AGBL4: variants seen among roughly 807,000 people sequenced by gnomAD.
AGBL4 encodes the protein AGBL carboxypeptidase 4, also known as cytosolic carboxypeptidase 6.
In AGBL4, 58 loss-of-function variants were observed where a neutral mutation model predicts 66.4. The ratio of observed to expected loss-of-function variants is 0.87; its 90% confidence interval spans 0.71 to 1.09. The LOEUF (loss-of-function observed/expected upper bound fraction) is 1.09, where lower values mean the gene tolerates loss of function less well. AGBL4 is among the 50% of genes least tolerant of loss of function. The pLI, the probability that AGBL4 is intolerant of heterozygous loss-of-function variation, is 0.00. For synonymous variants in AGBL4, 234 were observed against 222.9 expected (o/e 1.05, Z -0.44); for missense variants, 579 against 631.0 (o/e 0.92, Z 0.88).
intron 3 of AGBL4, among the ~76,000 whole-genome samples, chr1:49,273,606 A>G (rs1205944021): frequency 6.6e-6 from 1 of 151,268 alleles, no homozygotes; most frequent in Non-Finnish European, 1.5e-5. Context: ...ATATGAAGGA[A>G]AAATCTAATT....
intron 3 of AGBL4, among the ~76,000 whole-genome samples, chr1:49,680,006 A>G (rs1489727127): frequency 2.7e-5 from 4 of 149,884 alleles, no homozygotes; most frequent in Non-Finnish European, 5.9e-5. Flanking sequence ...TTTTTTTTAA[A>G]TTCATTCATG....
chr1:49,836,487 C>T (rs1645852650), intron 2 of AGBL4, among the ~76,000 whole-genome samples: 1 of 152,126 alleles, frequency 6.6e-6, no homozygotes, highest in South Asian at 2.1e-4. Context: ...GTCCTTTTTG[C>T]AAGAGTCTTA....
chr1:49,858,386 A>G (rs1646485502), intron 1 of AGBL4, among the ~76,000 whole-genome samples: 1 of 152,212 alleles, frequency 6.6e-6, no homozygotes, highest in South Asian at 2.1e-4. Flanking sequence ...AGTACAGGAT[A>G]TTTATCTAAA....
intron 5 of AGBL4, among the ~76,000 whole-genome samples, chr1:48,906,903 A>G (rs1193786412): frequency 6.6e-6 from 1 of 152,216 alleles, no homozygotes; most frequent in Non-Finnish European, 1.5e-5. Context: ...CTGTGGTCAC[A>G]AAAAACCACT....
At position 48,736,235 on chromosome 1, in the gene AGBL4, C is replaced by G. The variant is rs1282420783; in HGVS notation, c.635-72994G>C. The G allele has an allele frequency of 6.2e-7, 1 of 1,613,212 alleles. No homozygotes were observed. Among genetic ancestry groups the G allele is most frequent in the African/African-American group, 1.3e-5 (1 of 74,904 alleles). On this transcript the variant is annotated intron_variant, in intron 6 of 13. Coordinates refer to ENST00000371839, the MANE Select transcript of AGBL4 (RefSeq NM_032785.4). This position sits in a 1 kb window ranked among gnomAD's most constrained non-coding sequence, Gnocchi z 4.0. ...AGCCATTGTGTTTCCACTCAGTGAC[C>G]TACCTCTGACGATGCTTAGTTTGTG...
In AGBL4 at chr1:49,169,191, C is replaced by T. The variant is rs553077844; in HGVS notation, c.377+76579G>A. 1.6e-3 allele frequency among the ~76,000 whole-genome samples: 242 copies of T among 152,224 alleles called. 4 individuals are homozygous for T. The highest frequency in any genetic ancestry group is 5.7e-3 in the African/African-American group (235 of 41,544). On this transcript the variant is annotated intron_variant, in intron 4 of 13. Transcript: ENST00000371839. ...AAGCCATATAAGAGAAAGTATAATACTAAAGCAGTGGAAGTGTCACAGTTG... is the reference window on the plus strand; with the variant it reads ...AAGCCATATAAGAGAAAGTATAATATTAAAGCAGTGGAAGTGTCACAGTTG...
chr1:49,917,854 T>A (rs1459702142), intron 1 of AGBL4, among the ~76,000 whole-genome samples: 1 of 152,070 alleles, frequency 6.6e-6, no homozygotes, highest in Non-Finnish European at 1.5e-5. Context: ...CCTCAGCAAA[T>A]GCAAAACAAC....
the AGBL4 span, among the ~76,000 whole-genome samples, chr1:48,523,577 A>G: frequency 1.3e-5 from 2 of 152,348 alleles, no homozygotes; most frequent in Non-Finnish European, 2.9e-5. Context: ...AATGAATAAA[A>G]GAAAGAATGA....
chr1:49,129,945 T>A (rs1234623395), intron 4 of AGBL4, among the ~76,000 whole-genome samples: 3 of 152,218 alleles, frequency 2.0e-5, no homozygotes, highest in African/African-American at 7.2e-5. Flanking sequence ...GTAAAAGTGT[T>A]CCTATTTCTC....
intron 4 of AGBL4, among the ~76,000 whole-genome samples, chr1:49,118,807 G>C (rs1051132379): frequency 6.6e-6 from 1 of 152,168 alleles, no homozygotes; most frequent in African/African-American, 2.4e-5. Flanking sequence ...GTAGAATTCG[G>C]CTGTGAATCC....
At chr1:48,880,124 A>G (rs999464664) in intron 5 of AGBL4, among the ~76,000 whole-genome samples, 1 of 151,786 alleles carries the variant, frequency 6.6e-6, no homozygotes, top group African/African-American at 2.4e-5. Flanking sequence ...CCTTCCCACC[A>G]TTTCCCCCTG....
chr1:48,529,477 CATT>C (rs1246494726), downstream of AGBL4, among the ~76,000 whole-genome samples: 1 of 152,094 alleles, frequency 6.6e-6, no homozygotes, highest in Non-Finnish European at 1.5e-5. Flanking sequence ...AAAGAGATTA[CATT>C]ATTTGCCCAA....
At chr1:49,292,621 A>G (rs963404351) in intron 3 of AGBL4, among the ~76,000 whole-genome samples, 1 of 152,164 alleles carries the variant, frequency 6.6e-6, no homozygotes, top group Non-Finnish European at 1.5e-5. Context: ...TAAACAATCC[A>G]TGTGATGACC....
At chr1:49,814,653 A>G (rs1052276317) in intron 2 of AGBL4, among the ~76,000 whole-genome samples, 3 of 152,172 alleles carry the variant, frequency 2.0e-5, no homozygotes, top group African/African-American at 7.2e-5. Flanking sequence ...TATGTCAAGT[A>G]TATCTTTTCC....
chr1:49,753,357 G>A (rs1209762640), intron 2 of AGBL4, among the ~76,000 whole-genome samples: 1 of 152,136 alleles, frequency 6.6e-6, no homozygotes, highest in Admixed American at 6.5e-5. Context: ...TGAAATTCTG[G>A]GTTGAAAATT....
At chr1:49,274,423 A>G (rs1644124560) in intron 3 of AGBL4, among the ~76,000 whole-genome samples, 1 of 152,136 alleles carries the variant, frequency 6.6e-6, no homozygotes, top group South Asian at 2.1e-4. Flanking sequence ...GTGTTCTAAA[A>G]TTGTATGAGA....
At chr1:50,018,970 C>T (rs1662205429) in intron 1 of AGBL4, among the ~76,000 whole-genome samples, 1 of 152,020 alleles carries the variant, frequency 6.6e-6, no homozygotes, top group African/African-American at 2.4e-5. Context: ...AACTTTAGCA[C>T]CAAAATTAAT....
chr1:49,403,678 A>G (rs1347300927), intron 3 of AGBL4, among the ~76,000 whole-genome samples: 1 of 152,208 alleles, frequency 6.6e-6, no homozygotes, highest in African/African-American at 2.4e-5. Context: ...GGCATTGAAG[A>G]GTTTGGTATT....
At chr1:48,596,022 G>C (rs1243218079) in intron 9 of AGBL4, among the ~76,000 whole-genome samples, 1 of 152,164 alleles carries the variant, frequency 6.6e-6, no homozygotes, top group African/African-American at 2.4e-5. Context: ...GGTGAGCTTT[G>C]TTATTATTTC....
Sources: allele counts gnomAD v4.1 joint callset (sites outside exome capture counted in the v4.1 genomes callset), GRCh38; gene constraint gnomAD v4.1.1; non-coding constraint Gnocchi (gnomAD v3.1); transcripts MANE v1.5; gene names NCBI Gene and HGNC (gene_info 2026-07-23, HGNC 2026-07-21).